HOXC5: variants seen among roughly 807,000 people sequenced by gnomAD.
The protein encoded by HOXC5 is homeobox protein Hox-C5.
A neutral mutation model predicts 20.1 loss-of-function variants in HOXC5; 19 were observed. That is an observed-to-expected ratio of 0.94 (90% CI 0.66 to 1.38). HOXC5 has a LOEUF of 1.38. Ranked by LOEUF, HOXC5 falls within the 40% of genes most tolerant of loss-of-function variation. HOXC5 has a pLI of 0.00. For synonymous variants in HOXC5, 124 were observed against 117.0 expected (o/e 1.06, Z -0.39); for missense variants, 330 against 300.1 (o/e 1.10, Z -0.74).
chr12:54,030,022 CT>C, upstream of HOXC5: 1 of 1,375,524 alleles, frequency 7.3e-7, no homozygotes, highest in Non-Finnish European at 9.8e-7. Context: ...CAACTCTCCC[CT>C]AATCACACAC....
chr12:54,017,133 C>G, the HOXC5 span: 1 of 152,216 alleles, frequency 6.6e-6, no homozygotes, highest in Admixed American at 6.5e-5. Flanking sequence ...CCCCAAGGGG[C>G]AGGAGGAATG....
At chr12:54,024,352 C>G in the HOXC5 span, among the ~76,000 whole-genome samples, 1 of 152,140 alleles carries the variant, frequency 6.6e-6, no homozygotes, top group African/African-American at 2.4e-5. Context: ...GGTCCCCGAG[C>G]AGCCTCAGGA....
chr12:54,025,417 T>C, the HOXC5 span, among the ~76,000 whole-genome samples: 1 of 152,004 alleles, frequency 6.6e-6, no homozygotes, highest in Non-Finnish European at 1.5e-5. Flanking sequence ...CGGGCTCATC[T>C]GACCTGCTCT....
chr12:54,026,517 G>A, the HOXC5 span, among the ~76,000 whole-genome samples: 37 of 152,182 alleles, frequency 2.4e-4, no homozygotes, highest in African/African-American at 8.7e-4. Flanking sequence ...CATTTCCTTG[G>A]GGAGAAGAAA....
chr12:54,030,734 A>C (rs1316155298), upstream of HOXC5: 2 of 152,668 alleles, frequency 1.3e-5, no homozygotes, highest in African/African-American at 4.8e-5. Flanking sequence ...ATAAATAAAT[A>C]AATCCCTTCG....
In HOXC5 at chr12:54,034,286, G is replaced by GTCC; in HGVS notation, c.463_464insTCC (p.Gly155delinsValArg). On this transcript the variant is annotated protein_altering_variant, in exon 2 of 2. Coordinates refer to ENST00000312492, the MANE Select transcript of HOXC5 (RefSeq NM_018953.4). Reference sequence around the variant, plus strand: ...TGGGGTTTATGTTCCAGAGACGGACGGCAAGCGGTCCCGAACCAGTTACAC... The same window carrying GTCC: ...TGGGGTTTATGTTCCAGAGACGGACGTCCGCAAGCGGTCCCGAACCAGTTACAC... 6.2e-7 allele frequency: 1 copy of GTCC among 1,613,484 alleles called. No homozygotes were observed. Among genetic ancestry groups the GTCC allele is most frequent in the South Asian group, 1.1e-5 (1 of 91,076 alleles).
chr12:54,028,862 A>C (rs1324765529), upstream of HOXC5: 1 of 1,613,952 alleles, frequency 6.2e-7, no homozygotes, highest in East Asian at 2.2e-5. Flanking sequence ...ACTGCGCCCC[A>C]GGACCAGAAA....
chr12:54,033,968 G>A (rs1376541768), intron 1 of HOXC5: 3 of 547,416 alleles, frequency 5.5e-6, no homozygotes, highest in African/African-American at 3.8e-5. Flanking sequence ...GGGCGGGAGG[G>A]GGGTCCCCGG....
upstream of HOXC5, among the ~76,000 whole-genome samples, chr12:54,031,300 A>C (rs1378100258): frequency 6.6e-6 from 1 of 152,218 alleles, no homozygotes; most frequent in Non-Finnish European, 1.5e-5. Flanking sequence ...GGCTGTTGCG[A>C]AACGTAGCGG....
chr12:54,033,526 C>T lies in HOXC5; in HGVS notation c.404C>T (p.Pro135Leu). 6.4e-7 allele frequency: 1 copy of T among 1,561,098 alleles called. No homozygotes were observed. Among genetic ancestry groups the T allele is most frequent in the Non-Finnish European group, 8.6e-7 (1 of 1,157,794 alleles). Residue 135 changes from proline to leucine, a missense_variant, in exon 1 of 2, where the codon CCG becomes CTG. Coordinates refer to ENST00000312492, the MANE Select transcript of HOXC5 (RefSeq NM_018953.4). ...TGQPAGLSQP[P>L]APPQIYPWMT... ...CAGCCCGCCGGACTGAGCCAGCCACCGGCCCCGCCACAGATTTACCCGTGG... is the reference window on the plus strand; with the variant it reads ...CAGCCCGCCGGACTGAGCCAGCCACTGGCCCCGCCACAGATTTACCCGTGG...
chr12:54,017,645 T>C, the HOXC5 span, among the ~76,000 whole-genome samples: 38 of 151,718 alleles, frequency 2.5e-4, no homozygotes, highest in Non-Finnish European at 4.7e-4. Context: ...GTGTGCCAAG[T>C]TGGGGGTGGG....
chr12:54,029,713 C>T, upstream of HOXC5: 1 of 1,614,184 alleles, frequency 6.2e-7, no homozygotes, highest in Non-Finnish European at 8.5e-7. Context: ...GGTACCAGAC[C>T]CTGGAACTGG....
intron 1 of HOXC5, 26 bp from the exon 2 acceptor site, chr12:54,034,252 G>C (rs775110904): frequency 6.3e-7 from 1 of 1,593,818 alleles, no homozygotes; most frequent in Admixed American, 1.7e-5. Context: ...ACCCCTTCCT[G>C]GCTTGGGGTG....
chr12:54,025,483 GA>G, the HOXC5 span, among the ~76,000 whole-genome samples: 6 of 140,538 alleles, frequency 4.3e-5, no homozygotes, highest in African/African-American at 1.3e-4. Context: ...AAAGATCTAA[GA>G]GAAAGAAGAG....
chr12:54,031,217 G>C (rs967655596), upstream of HOXC5, among the ~76,000 whole-genome samples: 5 of 152,208 alleles, frequency 3.3e-5, no homozygotes, highest in African/African-American at 4.8e-5. Context: ...AGGCACCAGG[G>C]TCTCCTCCAC....
At chr12:54,033,889 T>G in intron 1 of HOXC5, 1 of 349,590 alleles carries the variant, frequency 2.9e-6, no homozygotes, top group East Asian at 9.4e-5. Flanking sequence ...CGCGGCTCCC[T>G]CCCTCCCTCC....
chr12:54,022,252 G>C, the HOXC5 span: 1 of 152,030 alleles, frequency 6.6e-6, no homozygotes, highest in Non-Finnish European at 1.5e-5. Flanking sequence ...AATGTTGGTG[G>C]ATTCATAAAG....
At chr12:54,029,626 T>C, upstream of HOXC5, 1 of 1,601,546 alleles carries the variant, frequency 6.2e-7, no homozygotes, top group Non-Finnish European at 8.5e-7. Flanking sequence ...GCTGATTGCT[T>C]TTAGTGTGTT....
upstream of HOXC5, chr12:54,030,649 G>A (rs1940950784): frequency 6.6e-6 from 1 of 151,994 alleles, no homozygotes; most frequent in Admixed American, 6.6e-5. Flanking sequence ...TTCAAAAAAG[G>A]AAAAAAAAGA....
Sources: gnomAD v4.1 joint callset for allele counts (sites outside exome capture counted in the v4.1 genomes callset) on GRCh38, gnomAD v4.1.1 for gene constraint, MANE v1.5 for transcripts, NCBI Gene and HGNC (gene_info 2026-07-23, HGNC 2026-07-21) for gene names.